Variants in KCNH8 observed in about 807,000 individuals in gnomAD.
The protein encoded by KCNH8 is potassium voltage-gated channel subfamily H member 8.
Under a neutral mutation model 103.6 loss-of-function variants are expected in KCNH8, and 70 were observed. The observed-to-expected ratio is 0.68, with a 90% CI of 0.56 to 0.82. KCNH8 has a LOEUF of 0.82. KCNH8 is among the 40% of genes least tolerant of loss of function. The probability of loss-of-function intolerance (pLI) is 0.00; values close to 1 mark genes in which losing one functional copy is unlikely to be tolerated. For missense variants in KCNH8, 1,217 were observed against 1,329.9 expected (o/e 0.92, Z 1.32); for synonymous variants, 498 against 489.4 (o/e 1.02, Z -0.23).
chr3:19,313,499 A>G (rs1308089030), intron 3 of KCNH8, among the ~76,000 whole-genome samples: 1 of 151,916 alleles, frequency 6.6e-6, no homozygotes, highest in East Asian at 1.9e-4. Flanking sequence ...ACACAAAAGC[A>G]TGACCACACA....
chr3:19,206,168 G>GTGTGTGTGTGTGTGTGTATATATATATA (rs979868166), intron 1 of KCNH8, among the ~76,000 whole-genome samples: 22 of 139,252 alleles, frequency 1.6e-4, no homozygotes, highest in African/African-American at 5.2e-4. Context: ...TGGTGTGTGT[G>GTGTGTGTGTGTGTGTGTATATATATATA]TATATATATA....
At chr3:19,522,047 C>T (rs1476724122) in intron 15 of KCNH8, among the ~76,000 whole-genome samples, 1 of 151,848 alleles carries the variant, frequency 6.6e-6, no homozygotes, top group Non-Finnish European at 1.5e-5. Context: ...AAATACTCTA[C>T]TTGCTGTATT....
intron 4 of KCNH8, among the ~76,000 whole-genome samples, chr3:19,347,057 T>A (rs893232699): frequency 6.6e-6 from 1 of 152,078 alleles, no homozygotes; most frequent in Non-Finnish European, 1.5e-5. Context: ...TAATAACTCT[T>A]AAGCAACTGT....
At chr3:19,519,134 AG>A (rs2068927741) in intron 15 of KCNH8, among the ~76,000 whole-genome samples, 1 of 151,974 alleles carries the variant, frequency 6.6e-6, no homozygotes, top group Non-Finnish European at 1.5e-5. Flanking sequence ...GAGGCTCTTC[AG>A]GCAGGCCTGA....
rs550859906 is a variant in KCNH8 at position 19,375,918 on chromosome 3, G to A, written c.812-14563G>A. 7.9e-5 allele frequency among the ~76,000 whole-genome samples: 12 copies of A among 152,098 alleles called. No individual in the cohort carries two copies. The East Asian group carries it at 1.2e-3, about 15-fold the overall frequency. On this transcript the variant is annotated intron_variant, in intron 5 of 15. Transcript: ENST00000328405. ...GGGGTGCCTCCCAGTTAGGCTGCTC[G>A]GGGGTCAGGGACCCACTTGAGGAGG...
chr3:19,330,773 T>C (rs1255714165), intron 3 of KCNH8, among the ~76,000 whole-genome samples: 1 of 152,222 alleles, frequency 6.6e-6, no homozygotes, highest in Non-Finnish European at 1.5e-5. Context: ...AATTTTACGA[T>C]ATTTTTGTAA....
At position 19,246,642 on chromosome 3, in the gene KCNH8, A is replaced by C. The variant is rs961829372; in HGVS notation, c.77-7012A>C. Among the ~76,000 whole-genome samples the C allele has an allele frequency of 5.9e-5, 9 of 152,224 alleles. No individual in the cohort carries two copies. In the South Asian group the frequency reaches 1.2e-3, roughly 21 times the overall value. On this transcript the variant is annotated intron_variant, in intron 1 of 15. Transcript: ENST00000328405. ...AATTCAAAAGTTAAAATGGGTATACAATGAAAATAAGTCTCTCTTATTTTT... is the reference window on the plus strand; with the variant it reads ...AATTCAAAAGTTAAAATGGGTATACCATGAAAATAAGTCTCTCTTATTTTT...
At chr3:19,467,277 T>G (rs1166698649) in intron 11 of KCNH8, among the ~76,000 whole-genome samples, 1 of 149,598 alleles carries the variant, frequency 6.7e-6, no homozygotes, top group African/African-American at 2.5e-5. Flanking sequence ...CCTTGTCTCC[T>G]TTCGCAGATT....
chr3:19,451,723 G>T (rs1189846647), intron 10 of KCNH8, among the ~76,000 whole-genome samples: 17 of 152,110 alleles, frequency 1.1e-4, no homozygotes, highest in Admixed American at 1.1e-3. Context: ...TATTAATCAT[G>T]ATATATACTG....
intron 7 of KCNH8, among the ~76,000 whole-genome samples, chr3:19,418,502 A>G (rs1276527911): frequency 6.6e-6 from 1 of 152,198 alleles, no homozygotes; most frequent in East Asian, 1.9e-4. Flanking sequence ...TAATATTTAA[A>G]CATTGGCAAA....
intron 11 of KCNH8, among the ~76,000 whole-genome samples, chr3:19,484,390 G>A (rs577875080): frequency 1.1e-4 from 16 of 152,274 alleles, no homozygotes; most frequent in Middle Eastern, 3.4e-3. Context: ...AGTCTTTCAT[G>A]CGGGGAAAAT....
chr3:19,294,527 C>G (rs1389086583), intron 3 of KCNH8, among the ~76,000 whole-genome samples: 1 of 152,158 alleles, frequency 6.6e-6, no homozygotes, highest in African/African-American at 2.4e-5. Context: ...TCTATACCAA[C>G]TCTTTGTCAG....
intron 1 of KCNH8, among the ~76,000 whole-genome samples, chr3:19,175,105 C>T (rs2063384630): frequency 6.6e-6 from 1 of 152,016 alleles, no homozygotes; most frequent in Non-Finnish European, 1.5e-5. Context: ...TGAGTCCAGA[C>T]TTTTGCTGAC....
chr3:19,325,101 A>G (rs968320172), intron 3 of KCNH8, among the ~76,000 whole-genome samples: 6 of 152,210 alleles, frequency 3.9e-5, no homozygotes, highest in African/African-American at 1.2e-4. Flanking sequence ...CAACAGGGAA[A>G]GCACTCCCTA....
chr3:19,157,961 AT>A (rs1319369412), intron 1 of KCNH8, among the ~76,000 whole-genome samples: 4 of 151,692 alleles, frequency 2.6e-5, no homozygotes, highest in Non-Finnish European at 4.4e-5. Context: ...TGATATCTAG[AT>A]TTTGTGTCAT....
intron 3 of KCNH8, among the ~76,000 whole-genome samples, chr3:19,286,536 A>G (rs1468871703): frequency 6.6e-6 from 1 of 152,104 alleles, no homozygotes; most frequent in African/African-American, 2.4e-5. Context: ...TGTTTAAGCC[A>G]CTCAGTCTGA....
At chr3:19,512,790 G>A (rs1182132527) in intron 12 of KCNH8, among the ~76,000 whole-genome samples, 180 bp from the exon 13 acceptor site, 1 of 152,134 alleles carries the variant, frequency 6.6e-6, no homozygotes, top group East Asian at 1.9e-4. Context: ...GAGAAGAGCA[G>A]AAGTGGGAAG....
intron 11 of KCNH8, among the ~76,000 whole-genome samples, chr3:19,478,941 T>G (rs545186084): frequency 4.6e-5 from 7 of 152,172 alleles, no homozygotes; most frequent in Non-Finnish European, 8.8e-5. Flanking sequence ...GGAGAACTGC[T>G]GGACATATAA....
chr3:19,466,032 C>A (rs999163939), intron 11 of KCNH8, among the ~76,000 whole-genome samples: 2 of 151,842 alleles, frequency 1.3e-5, no homozygotes, highest in African/African-American at 4.8e-5. Flanking sequence ...CCTCCTGGGC[C>A]CAAGAGATCC....
Sources: allele counts gnomAD v4.1 joint callset (sites outside exome capture counted in the v4.1 genomes callset), GRCh38; gene constraint gnomAD v4.1.1; transcripts MANE v1.5; gene names NCBI Gene and HGNC (gene_info 2026-07-23, HGNC 2026-07-21).